Variants in ANO3 observed in about 807,000 individuals in gnomAD.
The protein encoded by ANO3 is anoctamin 3.
Under a neutral mutation model 144.8 loss-of-function variants are expected in ANO3, and 99 were observed. That is an observed-to-expected ratio of 0.68 (90% CI 0.58 to 0.81). ANO3 has a LOEUF of 0.81. ANO3 is among the 30% of genes least tolerant of loss of function. The probability of loss-of-function intolerance (pLI) is 0.00; values close to 1 mark genes in which losing one functional copy is unlikely to be tolerated. For synonymous variants in ANO3, 414 were observed against 392.6 expected, an observed-to-expected ratio of 1.05 and a Z score of -0.64; for missense variants, 905 against 1,202.2, an observed-to-expected ratio of 0.75 and a Z score of 3.66.
chr11:26,305,161 A>G (rs1854351556), upstream of ANO3, among the ~76,000 whole-genome samples: 1 of 149,072 alleles, frequency 6.7e-6, no homozygotes, highest in Non-Finnish European at 1.5e-5. Flanking sequence ...ACAAGGCAAA[A>G]AAAAAAAAAA....
At chr11:26,453,104 G>A (rs1269634611) in intron 3 of ANO3, among the ~76,000 whole-genome samples, 10 of 152,146 alleles carry the variant, frequency 6.6e-5, no homozygotes, top group East Asian at 3.9e-4. Context: ...AGGAACAACC[G>A]GTACCAGCCG....
intron 8 of ANO3, 45 bp downstream of exon 8, chr11:26,531,381 TG>T: frequency 6.4e-7 from 1 of 1,564,378 alleles, no homozygotes; most frequent in East Asian, 2.3e-5. Flanking sequence ...TATATCTTGG[TG>T]GGGCTTGTTT....
intron 1 of ANO3, among the ~76,000 whole-genome samples, chr11:26,349,015 CTT>C: frequency 6.6e-6 from 1 of 152,158 alleles, no homozygotes; most frequent in Non-Finnish European, 1.5e-5. Context: ...CCAGGGAGGA[CTT>C]ATGATTGTTC....
Position 26,563,393 on chromosome 11 carries a change from CTCTGTGTGTG to C in ANO3, c.1447+3616_1447+3625del, listed in dbSNP as rs1239068938. 1.0e-3 allele frequency: 842 copies of C among 825,440 alleles called. 5 individuals are homozygous for C. Among genetic ancestry groups the C allele is most frequent in the South Asian group, 2.1e-3 (95 of 46,050 alleles). 51.1% of individuals were successfully genotyped at this position (825,440 alleles called of 1,614,324 possible). On this transcript the variant is annotated intron_variant, in intron 14 of 26. Transcript: ENST00000256737. ...AAATTAGATAATGGTGTGTTTCTCTCTCTGTGTGTGTGTGTGTGTGTGTGTGTGTGTGTGT... is the reference window on the plus strand; with the variant it reads ...AAATTAGATAATGGTGTGTTTCTCTCTGTGTGTGTGTGTGTGTGTGTGTGT...
intron 1 of ANO3, among the ~76,000 whole-genome samples, chr11:26,383,923 A>T (rs1856654791): frequency 2.1e-5 from 2 of 93,758 alleles, no homozygotes; most frequent in African/African-American, 8.2e-5. Flanking sequence ...TTTGAGACGG[A>T]ATCTCTCTCT....
chr11:26,647,716 G>GTAATT lies in ANO3; in HGVS notation c.2436_2437insTAATT (p.Leu813Ter). On this transcript the variant is annotated stop_gained and frameshift_variant, in exon 24 of 27. Coordinates refer to ENST00000256737, the MANE Select transcript of ANO3 (RefSeq NM_031418.4). LOFTEE classifies it high-confidence loss of function. ...TAATCTTTCTCTTACCAGGTATCTG[G>GTAATT]CTTGGAATTCTCGAAGGAATCGGTA... The GTAATT allele has an allele frequency of 6.2e-7, 1 of 1,601,952 alleles. No individual in the cohort carries two copies. Among genetic ancestry groups the GTAATT allele is most frequent in the Non-Finnish European group, 8.5e-7 (1 of 1,171,684 alleles).
At chr11:26,332,411 T>TA (rs1263547338) in intron 1 of ANO3, 90 bp downstream of exon 1, 1 of 1,268,678 alleles carries the variant, frequency 7.9e-7, no homozygotes, top group Non-Finnish European at 1.2e-6. Flanking sequence ...TTTGCAGGCT[T>TA]ATGCGACACA....
At chr11:26,377,316 A>T (rs1856440939) in intron 1 of ANO3, among the ~76,000 whole-genome samples, 1 of 152,142 alleles carries the variant, frequency 6.6e-6, no homozygotes, top group African/African-American at 2.4e-5. Context: ...TTATAATGTG[A>T]TTTATGTCAA....
In ANO3 at chr11:26,590,939, G is replaced by A. The variant is rs145471913; in HGVS notation, c.1448-7426G>A. Among the ~76,000 whole-genome samples, 244 of 152,242 alleles carry A rather than the reference G, an allele frequency of 1.6e-3. 2 individuals are homozygous for A. Among genetic ancestry groups the A allele is most frequent in the Non-Finnish European group, 3.0e-3 (204 of 68,026 alleles). On this transcript the variant is annotated intron_variant, in intron 14 of 26. Transcript: ENST00000256737. ...CCATACAATGGGAGGGGACCCAAAGGGGGTTGCCCACTCCCGTCTCGAATG... is the reference window on the plus strand; with the variant it reads ...CCATACAATGGGAGGGGACCCAAAGAGGGTTGCCCACTCCCGTCTCGAATG...
At chr11:26,367,192 C>T (rs540933345) in intron 1 of ANO3, among the ~76,000 whole-genome samples, 1 of 152,350 alleles carries the variant, frequency 6.6e-6, no homozygotes, top group Non-Finnish European at 1.5e-5. Context: ...AGGACATAGG[C>T]ATGGGCAAGC....
At position 26,192,521 on chromosome 11, in the gene ANO3, T is replaced by A. The variant is rs1307074800; in HGVS notation, c.154+3191T>A. On this transcript the variant is annotated intron_variant, in intron 1 of 27. Transcript: ENST00000672621. ...TCTAAAAGGAAGTGTTCCATTGTTA[T>A]CAAAAACAGTGTTTATACCTTTCAT... is the stretch of plus-strand genomic sequence containing the variant. Among the ~76,000 whole-genome samples the A allele has an allele frequency of 2.0e-5, 3 of 152,338 alleles. No individual in the cohort carries two copies. In the East Asian group the frequency reaches 5.8e-4, roughly 29 times the overall value.
At chr11:26,261,643 C>T (rs908595134) in intron 1 of ANO3, among the ~76,000 whole-genome samples, 3 of 152,270 alleles carry the variant, frequency 2.0e-5, no homozygotes, top group South Asian at 2.1e-4. Context: ...ATTCCACAAC[C>T]GACAGTCACT....
chr11:26,232,676 A>C (rs1386579017), intron 1 of ANO3, among the ~76,000 whole-genome samples: 2 of 152,096 alleles, frequency 1.3e-5, no homozygotes, highest in Non-Finnish European at 2.9e-5. Context: ...AACCATAAAA[A>C]CCCTAGAAGA....
intron 4 of ANO3, among the ~76,000 whole-genome samples, chr11:26,484,664 A>G (rs1315962764): frequency 6.6e-6 from 1 of 152,150 alleles, no homozygotes; most frequent in Non-Finnish European, 1.5e-5. Flanking sequence ...GAAGAGATCC[A>G]CTGTCCCATA....
intron 3 of ANO3, among the ~76,000 whole-genome samples, chr11:26,449,472 G>GAA (rs1858831478): frequency 7.1e-6 from 1 of 140,424 alleles, no homozygotes; most frequent in African/African-American, 2.6e-5. Flanking sequence ...CTGTCTGTCT[G>GAA]TCTCTCTCTC....
intron 4 of ANO3, among the ~76,000 whole-genome samples, chr11:26,483,636 T>C (rs1006129157): frequency 3.2e-4 from 49 of 152,184 alleles, no homozygotes; most frequent in Admixed American, 1.3e-4. Flanking sequence ...CATGAGCCAA[T>C]TAAACCTCTG....
At chr11:26,509,379 G>A (rs147916946) in intron 5 of ANO3, among the ~76,000 whole-genome samples, 3 of 151,874 alleles carry the variant, frequency 2.0e-5, no homozygotes, top group South Asian at 2.1e-4. Flanking sequence ...GCAGTGGCGC[G>A]ATCTTGGCTT....
Position 26,645,317 on chromosome 11 carries a change from A to G in ANO3, c.2428+1983A>G, listed in dbSNP as rs187377998. The stretch of plus-strand genomic sequence containing the variant: ...TTTTGTTTCTATTATTTTATACTAC[A>G]TTCTCTATAAATTTAATTATATTTA... On this transcript the variant is annotated intron_variant, in intron 23 of 26. Coordinates refer to ENST00000256737, the MANE Select transcript of ANO3 (RefSeq NM_031418.4). Among the ~76,000 whole-genome samples, 176 of 152,052 alleles carry G rather than the reference A, an allele frequency of 1.2e-3. 2 individuals are homozygous for G. The highest frequency in any genetic ancestry group is 3.4e-3 in the Middle Eastern group (1 of 294).
At chr11:26,555,228 A>G (rs1850050480) in intron 13 of ANO3, among the ~76,000 whole-genome samples, 1 of 152,184 alleles carries the variant, frequency 6.6e-6, no homozygotes, top group Non-Finnish European at 1.5e-5. Context: ...GCATTTTCTC[A>G]TCACTTTTGG....
Sources: allele counts gnomAD v4.1 joint callset (sites outside exome capture counted in the v4.1 genomes callset), GRCh38; gene constraint gnomAD v4.1.1; transcripts MANE v1.5; gene names NCBI Gene and HGNC (gene_info 2026-07-23, HGNC 2026-07-21).